SLC30A6: variants seen among roughly 807,000 people sequenced by gnomAD.
SLC30A6 encodes the protein solute carrier family 30 member 6.
Under a neutral mutation model 63.0 loss-of-function variants are expected in SLC30A6, and 55 were observed. That is an observed-to-expected ratio of 0.87 (90% confidence interval 0.70 to 1.09). SLC30A6 has a LOEUF of 1.09. SLC30A6 is among the 50% of genes least tolerant of loss of function. The pLI, the probability that SLC30A6 is intolerant of heterozygous loss-of-function variation, is 0.00. For synonymous variants in SLC30A6, 224 were observed against 186.1 expected (o/e 1.20, Z -1.66); for missense variants, 587 against 549.2 (o/e 1.07, Z -0.69).
At chr2:32,210,321 G>C (rs547497042) in intron 13 of SLC30A6, among the ~76,000 whole-genome samples, 1 of 152,082 alleles carries the variant, frequency 6.6e-6, no homozygotes, top group East Asian at 1.9e-4. Context: ...AGACCAACTT[G>C]GCTAACATGG....
At chr2:32,206,991 G>C (rs1684830142) in intron 12 of SLC30A6, 58 bp downstream of exon 12, 1 of 1,367,824 alleles carries the variant, frequency 7.3e-7, no homozygotes, top group East Asian at 2.3e-5. Flanking sequence ...TGAAAAGGTG[G>C]ATACTTTTAA....
Position 32,221,103 on chromosome 2 carries a change from C to T in SLC30A6, c.*390C>T, listed in dbSNP as rs372843302. 10 of 209,810 alleles carry T rather than the reference C, an allele frequency of 4.8e-5. No homozygotes were observed. The highest frequency in any genetic ancestry group is 2.1e-4 in the South Asian group (3 of 14,294). The allele number at this position is 209,810 out of a possible 1,614,324, so 13.0% of individuals were successfully genotyped here. On this transcript the variant is annotated 3_prime_UTR_variant, in exon 14 of 14. Coordinates refer to ENST00000282587, the MANE Select transcript of SLC30A6 (RefSeq NM_017964.5). ...CGGAGTCTTGCTCTGCCACTGTGCC[C>T]GGCCAATACATTATTATTAACTTAA...
chr2:32,183,162 G>A (rs1185075749), intron 4 of SLC30A6, among the ~76,000 whole-genome samples: 2 of 151,992 alleles, frequency 1.3e-5, no homozygotes, highest in Admixed American at 1.3e-4. Flanking sequence ...ACTCCAGCCT[G>A]GGCGATAGAG....
At chr2:32,209,811 C>G (rs981701091) in intron 13 of SLC30A6, among the ~76,000 whole-genome samples, 6 of 152,018 alleles carry the variant, frequency 3.9e-5, no homozygotes, top group African/African-American at 1.5e-4. Context: ...GCCTTAATCT[C>G]CCAAACAATA....
At chr2:32,214,166 A>AGC in intron 13 of SLC30A6, among the ~76,000 whole-genome samples, 2 of 151,894 alleles carry the variant, frequency 1.3e-5, no homozygotes, top group South Asian at 4.1e-4. Context: ...CGAACTCCTG[A>AGC]TCTTGTGATC....
At chr2:32,195,099 C>CTTTTT (rs11453810) in intron 8 of SLC30A6, among the ~76,000 whole-genome samples, 2 of 125,740 alleles carry the variant, frequency 1.6e-5, no homozygotes, top group African/African-American at 6.0e-5. Context: ...TTATGCCTGG[C>CTTTTT]TTTTTTTTTT....
intron 2 of SLC30A6, among the ~76,000 whole-genome samples, chr2:32,173,417 A>G (rs1681417138): frequency 6.8e-6 from 1 of 147,756 alleles, no homozygotes; most frequent in African/African-American, 2.5e-5. Flanking sequence ...TCTGTCGCCC[A>G]GGCTGGAGTG....
chr2:32,196,362 G>C (rs143702085), intron 8 of SLC30A6, among the ~76,000 whole-genome samples: 1 of 152,056 alleles, frequency 6.6e-6, no homozygotes, highest in African/African-American at 2.4e-5. Flanking sequence ...CTTGAAATTT[G>C]AGTGGGAAAT....
chr2:32,181,797 G>A (rs552610091), intron 4 of SLC30A6, among the ~76,000 whole-genome samples: 69 of 152,198 alleles, frequency 4.5e-4, no homozygotes, highest in Admixed American at 2.0e-3. Flanking sequence ...GAGCCTGGGA[G>A]GTGGAGGTTG....
chr2:32,220,483 G>A lies in SLC30A6; in HGVS notation c.1156G>A (p.Glu386Lys). The A allele has an allele frequency of 1.2e-6, 2 of 1,614,150 alleles. No homozygotes were observed. Among genetic ancestry groups the A allele is most frequent in the Non-Finnish European group, 1.7e-6 (2 of 1,180,014 alleles). The change falls in exon 14 of 14, where the codon GAA becomes AAA. Residue 386 changes from glutamate (E) to lysine (K), a missense_variant. Glu to Lys is a moderately conservative substitution (Grantham distance 56, BLOSUM62 1). Transcript: ENST00000282587. The stretch of plus-strand genomic sequence containing the variant: ...AGCTAAACCTAGTAGTCCACCTCCA[G>A]AATTTTCATTTAACACTCCTGGGAA... ...TPAKPSSPPP[E>K]FSFNTPGKNV...
At chr2:32,192,841 G>A (rs1030809994) in intron 6 of SLC30A6, 77 bp from the exon 7 acceptor site, 3 of 904,066 alleles carry the variant, frequency 3.3e-6, no homozygotes, top group South Asian at 4.3e-5. Flanking sequence ...CTTTAAGGTG[G>A]GTGAATGATA....
chr2:32,169,131 C>T (rs1378157844), intron 1 of SLC30A6, among the ~76,000 whole-genome samples: 2 of 151,888 alleles, frequency 1.3e-5, no homozygotes, highest in Non-Finnish European at 2.9e-5. Flanking sequence ...TACATATGTA[C>T]ATACACATAT....
At chr2:32,200,764 T>A (rs1487942901) in intron 10 of SLC30A6, among the ~76,000 whole-genome samples, 3 of 151,834 alleles carry the variant, frequency 2.0e-5, no homozygotes, top group African/African-American at 7.3e-5. Flanking sequence ...CTGTTGACCT[T>A]CCCTCCACTG....
chr2:32,168,319 G>A (rs987447648), intron 1 of SLC30A6, among the ~76,000 whole-genome samples: 1 of 150,868 alleles, frequency 6.6e-6, no homozygotes, highest in African/African-American at 2.4e-5. Context: ...CAGTATTTAA[G>A]GTTTATTTTT....
Position 32,165,958 on chromosome 2 carries a change from T to G in SLC30A6, c.3+55T>G, listed in dbSNP as rs1573204760. 3.1e-6 allele frequency: 5 copies of G among 1,613,768 alleles called. No homozygotes were observed. The East Asian group carries it at 6.7e-5, about 22-fold the overall frequency. On this transcript the variant is annotated intron_variant, in intron 1 of 13. Coordinates refer to ENST00000282587, the MANE Select transcript of SLC30A6 (RefSeq NM_017964.5). ...GCTGTAGCTGATTCGGTTTATCTTA[T>G]TTGGTCCCGAAGCGACCTTGAAATC...
chr2:32,197,707 C>G lies in SLC30A6; in HGVS notation c.546C>G (p.Ser182Arg), dbSNP rs762269321. The G allele has an allele frequency of 1.2e-6, 2 of 1,613,856 alleles. No homozygotes were observed. Among genetic ancestry groups the G allele is most frequent in the Admixed American group, 1.7e-5 (1 of 59,944 alleles). The change falls in exon 10 of 14, where the codon AGC becomes AGG. Residue 182 changes from serine (S) to arginine (R), a missense_variant and splice_region_variant. Ser to Arg is a moderately radical substitution (Grantham distance 110). Transcript: ENST00000282587. The part of the protein sequence containing the change: ...LQEHVADLSR[S>R]LCGIIPGLSS... ...ACTCTTTCTGTTTGTTTTTTCTTAG[C>G]TTGTGTGGAATTATTCCGGGACTTA...
chr2:32,200,875 A>G (rs1004662724), intron 10 of SLC30A6, among the ~76,000 whole-genome samples: 1 of 152,092 alleles, frequency 6.6e-6, no homozygotes, highest in Non-Finnish European at 1.5e-5. Flanking sequence ...TCCCCTTTGC[A>G]TAGTTGCAAA....
intron 10 of SLC30A6, chr2:32,202,412 C>T (rs182307435): frequency 4.9e-4 from 127 of 258,750 alleles, no homozygotes; most frequent in Middle Eastern, 2.9e-3. Flanking sequence ...TCACTGCAAG[C>T]TCCGCCGCCC....
chr2:32,173,540 A>AT (rs1291604073), intron 2 of SLC30A6, among the ~76,000 whole-genome samples: 1 of 151,962 alleles, frequency 6.6e-6, no homozygotes, highest in Non-Finnish European at 1.5e-5. Flanking sequence ...CACCTGGTTG[A>AT]TTTTTTGTTT....
Sources: allele counts gnomAD v4.1 joint callset (sites outside exome capture counted in the v4.1 genomes callset), GRCh38; gene constraint gnomAD v4.1.1; transcripts MANE v1.5; gene names NCBI Gene and HGNC (gene_info 2026-07-23, HGNC 2026-07-21).